Variants in SRBD1 observed in about 807,000 individuals in gnomAD.
SRBD1 encodes S1 RNA binding domain 1.
SRBD1 carries 88 observed loss-of-function variants against 115.3 expected under a neutral mutation model. The ratio of observed to expected loss-of-function variants is 0.76; its 90% CI spans 0.64 to 0.91. The LOEUF (loss-of-function observed/expected upper bound fraction) is 0.91, where lower values mean the gene tolerates loss of function less well. Among genes scored for constraint, SRBD1 ranks in the 40% least tolerant of loss-of-function variants. The pLI, the probability that SRBD1 is intolerant of heterozygous loss-of-function variation, is 0.00. For synonymous variants in SRBD1, 509 were observed against 407.7 expected, an observed-to-expected ratio of 1.25 and a Z score of -2.99; for missense variants, 1,385 against 1,177.4, an observed-to-expected ratio of 1.18 and a Z score of -2.58.
At chr2:45,540,380 C>T (rs925528204) in intron 14 of SRBD1, among the ~76,000 whole-genome samples, 1 of 150,960 alleles carries the variant, frequency 6.6e-6, no homozygotes, top group African/African-American at 2.4e-5. Context: ...GATGTCAATT[C>T]TCCAAAAATT....
chr2:45,579,092 C>T (rs1673267030), intron 7 of SRBD1, among the ~76,000 whole-genome samples: 1 of 152,076 alleles, frequency 6.6e-6, no homozygotes, highest in African/African-American at 2.4e-5. Flanking sequence ...GAGAAAAAGC[C>T]ACTCTTAACC....
intron 14 of SRBD1, among the ~76,000 whole-genome samples, chr2:45,491,405 T>G (rs1670287714): frequency 6.6e-6 from 1 of 152,210 alleles, no homozygotes; most frequent in Non-Finnish European, 1.5e-5. Context: ...TATTTTGCCA[T>G]GAAGCAGATG....
At chr2:45,580,785 A>G (rs149863073) in intron 6 of SRBD1, among the ~76,000 whole-genome samples, 6,585 of 144,306 alleles carry the variant, frequency 0.046, 231 homozygotes, top group East Asian at 0.15. Context: ...TCCCGGGTTC[A>G]AGCAATTCTC....
At chr2:45,530,035 C>G (rs187817134) in intron 14 of SRBD1, among the ~76,000 whole-genome samples, 2 of 152,048 alleles carry the variant, frequency 1.3e-5, no homozygotes, top group East Asian at 3.9e-4. Flanking sequence ...ATGGAACTAT[C>G]TAAATTCAAA....
chr2:45,603,874 C>A (rs1020127098), intron 2 of SRBD1, among the ~76,000 whole-genome samples: 1 of 152,114 alleles, frequency 6.6e-6, no homozygotes, highest in African/African-American at 2.4e-5. Context: ...ACCTTCCCCG[C>A]TTGAGCTCAA....
intron 14 of SRBD1, among the ~76,000 whole-genome samples, chr2:45,535,183 C>T (rs1400994169): frequency 3.3e-5 from 5 of 151,960 alleles, no homozygotes; most frequent in African/African-American, 1.2e-4. Context: ...AGACCTCAAA[C>T]CAGACATCAA....
rs765734556 is a variant in SRBD1 at position 45,605,445 on chromosome 2, G to C, written c.1-4C>G. The stretch of plus-strand genomic sequence containing the variant: ...CTCTTCTTGGCAATGATGACATCTA[G>C]AAGAAACAGAAAATAAAATCAGCAA... On this transcript the variant is annotated splice_polypyrimidine_tract_variant and splice_region_variant and intron_variant, in intron 1 of 20. Transcript: ENST00000263736. 33 of 1,612,454 alleles carry C rather than the reference G, an allele frequency of 2.0e-5. No individual in the cohort carries two copies. In the Admixed American group the frequency reaches 5.2e-4, roughly 25 times the overall value.
chr2:45,474,481 T>C (rs1669746391), intron 16 of SRBD1, among the ~76,000 whole-genome samples: 1 of 152,228 alleles, frequency 6.6e-6, no homozygotes, highest in African/African-American at 2.4e-5. Flanking sequence ...CGAAGGTCTC[T>C]TGAGCTATCT....
chr2:45,450,317 G>C (rs1668955002), intron 16 of SRBD1, among the ~76,000 whole-genome samples: 1 of 152,082 alleles, frequency 6.6e-6, no homozygotes, highest in South Asian at 2.1e-4. Flanking sequence ...TGTGATTTGT[G>C]GGGTTTATAG....
chr2:45,395,009 C>G (rs1037196906), intron 19 of SRBD1, among the ~76,000 whole-genome samples: 1 of 152,118 alleles, frequency 6.6e-6, no homozygotes, highest in Non-Finnish European at 1.5e-5. Flanking sequence ...ACAAGGGTCC[C>G]GGTGACAAGG....
intron 16 of SRBD1, among the ~76,000 whole-genome samples, chr2:45,454,294 C>G (rs1254269112): frequency 4.0e-5 from 6 of 151,772 alleles, no homozygotes; most frequent in African/African-American, 1.2e-4. Flanking sequence ...TTTGAAAGAC[C>G]TGGGAGAGTT....
At chr2:45,463,203 C>G (rs1289875737) in intron 16 of SRBD1, among the ~76,000 whole-genome samples, 2 of 152,162 alleles carry the variant, frequency 1.3e-5, no homozygotes, top group African/African-American at 2.4e-5. Context: ...CGAGGCCACC[C>G]TTCCTGTCTC....
chr2:45,483,009 C>T (rs913722101), intron 15 of SRBD1, among the ~76,000 whole-genome samples: 9 of 151,804 alleles, frequency 5.9e-5, no homozygotes, highest in East Asian at 5.8e-4. Context: ...CTGTTGAATC[C>T]GTGGGCACGT....
rs775872643 is a variant in SRBD1 at position 45,573,294 on chromosome 2, G to A, written c.1218C>T (p.Ser406=). The change falls in exon 9 of 21, where the codon TCC becomes TCT. Residue 406 remains serine (S), a synonymous_variant. Transcript: ENST00000263736. ...VCIQSSLAKV[S]SKKVNEKDVD... is the part of the protein sequence containing the mutation. ...CATCTTTCTCATTTACCTTTTTTGAGGATACTTTTGCCAGAGATGACTGGA... is the reference window on the plus strand; with the variant it reads ...CATCTTTCTCATTTACCTTTTTTGAAGATACTTTTGCCAGAGATGACTGGA... 1 of 1,611,780 alleles carries A rather than the reference G, an allele frequency of 6.2e-7. No individual in the cohort carries two copies. Among genetic ancestry groups the A allele is most frequent in the East Asian group, 2.2e-5 (1 of 44,692 alleles).
At chr2:45,512,298 A>G (rs1181362226) in intron 14 of SRBD1, among the ~76,000 whole-genome samples, 7 of 152,186 alleles carry the variant, frequency 4.6e-5, no homozygotes, top group Admixed American at 4.6e-4. Context: ...GTTTACATAC[A>G]TTTGCATGAC....
In SRBD1 at chr2:45,581,735, T is replaced by G. The variant is rs1222647350; in HGVS notation, c.891A>C (p.Lys297Asn). The G allele has an allele frequency of 6.2e-7, 1 of 1,613,612 alleles. No homozygotes were observed. The highest frequency in any genetic ancestry group is 1.7e-5 in the Admixed American group (1 of 59,972). Reference sequence around the variant, plus strand: ...CAAAAGTTTTACAATTCAGCATGGCTTTTAACAAGCACTCAGACATCTTCC... The same window carrying G: ...CAAAAGTTTTACAATTCAGCATGGCGTTTAACAAGCACTCAGACATCTTCC... ...KEGKMSECLLKAMLNCKTFEE... is the reference protein window; with the variant it reads ...KEGKMSECLLNAMLNCKTFEE... The change falls in exon 6 of 21, where the codon AAA becomes AAC. Residue 297 changes from lysine (K) to asparagine (N), a missense_variant. By Grantham distance (94) the Lys-to-Asn change is moderately conservative. Transcript: ENST00000263736.
chr2:45,508,685 T>C (rs1032823656), intron 14 of SRBD1, among the ~76,000 whole-genome samples: 1 of 152,240 alleles, frequency 6.6e-6, no homozygotes, highest in Non-Finnish European at 1.5e-5. Context: ...CAATGTGTGA[T>C]ATGCTATGTT....
intron 5 of SRBD1, 48 bp downstream of exon 5, chr2:45,585,560 T>A: frequency 1.9e-6 from 3 of 1,563,330 alleles, no homozygotes; most frequent in African/African-American, 1.4e-5. Flanking sequence ...CTGTTCCTCA[T>A]TGGCCTTTTC....
At chr2:45,609,835 T>C (rs754746179) in intron 1 of SRBD1, among the ~76,000 whole-genome samples, 28 of 152,240 alleles carry the variant, frequency 1.8e-4, no homozygotes, top group Admixed American at 2.6e-4. Context: ...ATTTTTATTT[T>C]ACTTGTTTAT....
Sources: gnomAD v4.1 joint callset for allele counts (sites outside exome capture counted in the v4.1 genomes callset) on GRCh38, gnomAD v4.1.1 for gene constraint, MANE v1.5 for transcripts, NCBI Gene and HGNC (gene_info 2026-07-23, HGNC 2026-07-21) for gene names.